PCGF2: variants seen among roughly 807,000 people sequenced by gnomAD.
The protein encoded by PCGF2 is polycomb group RING finger protein 2.
A neutral mutation model predicts 36.1 loss-of-function variants in PCGF2; 8 were observed. The observed-to-expected ratio is 0.22, with a 90% confidence interval of 0.13 to 0.40. PCGF2 has a LOEUF of 0.40. PCGF2 is among the 10% of genes least tolerant of loss of function. The pLI, the probability that PCGF2 is intolerant of heterozygous loss-of-function variation, is 1.00. For missense variants in PCGF2, 436 were observed against 475.9 expected (o/e 0.92, Z 0.78); for synonymous variants, 198 against 191.2 (o/e 1.04, Z -0.29).
chr17:38,744,940 C>T (rs574999842), intron 2 of PCGF2, among the ~76,000 whole-genome samples: 8 of 152,198 alleles, frequency 5.3e-5, no homozygotes, highest in Non-Finnish European at 8.8e-5. Flanking sequence ...TTCAGCTGGG[C>T]GTGGTGGCTC....
intron 2 of PCGF2, among the ~76,000 whole-genome samples, chr17:38,741,025 T>C (rs543606101): frequency 6.6e-6 from 1 of 152,264 alleles, no homozygotes; most frequent in African/African-American, 2.4e-5. Flanking sequence ...GGCCACAGGA[T>C]GTACTGCCCA....
At chr17:38,747,656 CCCCGGCCTCGCGGCCG>C (rs1349770349) in intron 2 of PCGF2, among the ~76,000 whole-genome samples, 1 of 152,166 alleles carries the variant, frequency 6.6e-6, no homozygotes, top group Non-Finnish European at 1.5e-5. Context: ...GGGCGCCCTC[CCCCGGCCTCGCGGCCG>C]CCCCAAAGCA....
At chr17:38,743,755 C>T (rs1463092870) in intron 2 of PCGF2, among the ~76,000 whole-genome samples, 1 of 152,070 alleles carries the variant, frequency 6.6e-6, no homozygotes, top group Non-Finnish European at 1.5e-5. Flanking sequence ...AGCTCTGACT[C>T]CCTAGAGCAC....
rs191027265 is a variant in PCGF2 at position 38,739,450 on chromosome 17, C to T, written c.209+136G>A. 1.4e-4 allele frequency: 125 copies of T among 881,160 alleles called. No homozygotes were observed. Among genetic ancestry groups the T allele is most frequent in the African/African-American group, 1.0e-3 (64 of 61,108 alleles). 54.6% of individuals were successfully genotyped at this position (881,160 alleles called of 1,614,324 possible). A position where few individuals can be genotyped will look rare whatever the true frequency, so the allele number is the denominator to read the frequency against. ...GATGAGCCAAATGTAACCCCAAGGT[C>T]GGGGAGTAGCCCAGGTCCACACCCC... On this transcript the variant is annotated intron_variant, in intron 4 of 10. Transcript: ENST00000620225. This position sits in a 1 kb window ranked among gnomAD's most constrained non-coding sequence, Gnocchi z 4.0.
upstream of PCGF2, among the ~76,000 whole-genome samples, chr17:38,748,918 G>T (rs1288318786): frequency 1.3e-5 from 2 of 152,170 alleles, no homozygotes; most frequent in Admixed American, 6.5e-5. Flanking sequence ...CCCCCTCGGC[G>T]GCAGGGGCGC....
chr17:38,749,569 CCA>C, upstream of PCGF2: 1 of 450,706 alleles, frequency 2.2e-6, no homozygotes, highest in Non-Finnish European at 4.5e-6. The surrounding 1 kb of genome is among the most constrained non-coding windows in gnomAD (Gnocchi z 6.5). Flanking sequence ...GTCTGTCCCT[CCA>C]GAGAGCTCGA....
At chr17:38,741,760 G>A (rs1451706146) in intron 2 of PCGF2, among the ~76,000 whole-genome samples, 1 of 152,164 alleles carries the variant, frequency 6.6e-6, no homozygotes, top group Non-Finnish European at 1.5e-5. Flanking sequence ...TTGGGAACGT[G>A]CAGCTCCAGC....
chr17:38,736,794 C>A (rs1395824312), intron 9 of PCGF2, among the ~76,000 whole-genome samples: 11 of 151,120 alleles, frequency 7.3e-5, no homozygotes, highest in Non-Finnish European at 1.6e-4. Context: ...AGATAGTGCC[C>A]CTGAACTCCA....
chr17:38,749,271 C>A, upstream of PCGF2: 1 of 206,770 alleles, frequency 4.8e-6, no homozygotes, highest in South Asian at 6.9e-5. The surrounding 1 kb of genome is among the most constrained non-coding windows in gnomAD (Gnocchi z 6.5). Flanking sequence ...GCGCTGCGCG[C>A]TGCCTGTGCG....
chr17:38,739,608 T>C lies in PCGF2; in HGVS notation c.187A>G (p.Thr63Ala). Reference protein sequence around the residue: ...CPMCDVQVHKTRPLLSIRSDK... With the variant: ...CPMCDVQVHKARPLLSIRSDK... ...CACCTGATGCTCAGCAGCGGCCGGG[T>C]TTTATGGACCTGCACGTCACACATG... is the stretch of plus-strand genomic sequence containing the variant. The change falls in exon 4 of 11, where the codon ACC becomes GCC. Residue 63 changes from threonine (T) to alanine (A), a missense_variant. Around this residue, in one of 3 missense-constraint regions of PCGF2, gnomAD observed 189 missense variants for 219.3 expected, o/e 0.86. Coordinates refer to ENST00000620225, the MANE Select transcript of PCGF2 (RefSeq NM_007144.3). This position sits in a 1 kb window ranked among gnomAD's most constrained non-coding sequence, Gnocchi z 4.0. 1 of 1,613,012 alleles carries C rather than the reference T, an allele frequency of 6.2e-7. No individual in the cohort carries two copies. Among genetic ancestry groups the C allele is most frequent in the Non-Finnish European group, 8.5e-7 (1 of 1,179,592 alleles).
chr17:38,739,874 T>C lies in PCGF2; in HGVS notation c.113-192A>G, dbSNP rs1907060096. Among the ~76,000 whole-genome samples the C allele has an allele frequency of 6.6e-6, 1 of 152,140 alleles. No homozygotes were observed. The highest frequency in any genetic ancestry group is 2.4e-5 in the African/African-American group (1 of 41,428). Reference sequence around the variant, plus strand: ...CACTGTTGAGGGAAGCTGGATCTTGTGTGAGACAGGCCAGTGTCATGTACA... The same window carrying C: ...CACTGTTGAGGGAAGCTGGATCTTGCGTGAGACAGGCCAGTGTCATGTACA... On this transcript the variant is annotated intron_variant, in intron 3 of 10. Transcript: ENST00000620225. The surrounding 1 kb of genome is among the most constrained non-coding windows in gnomAD (Gnocchi z 4.0).
At chr17:38,749,545 G>A (rs1295811184), upstream of PCGF2, 1 of 438,490 alleles carries the variant, frequency 2.3e-6, no homozygotes, top group Non-Finnish European at 4.7e-6. The surrounding 1 kb of genome is among the most constrained non-coding windows in gnomAD (Gnocchi z 6.5). Context: ...CGATTTATTA[G>A]GGATGGCGGC....
Position 38,739,020 on chromosome 17 carries a change from G to T in PCGF2, c.316+48C>A. 6.2e-7 allele frequency: 1 copy of T among 1,604,450 alleles called. No individual in the cohort carries two copies. The highest frequency in any genetic ancestry group is 8.5e-7 in the Non-Finnish European group (1 of 1,172,986). On this transcript the variant is annotated intron_variant, in intron 6 of 10. Coordinates refer to ENST00000620225, the MANE Select transcript of PCGF2 (RefSeq NM_007144.3). The surrounding 1 kb of genome is among the most constrained non-coding windows in gnomAD (Gnocchi z 4.0). ...GAGGGGTAGCGCTACACACCTACAT[G>T]GTCCCAGGCAAGACTGTGCACACAC...
At position 38,734,573 on chromosome 17, in the gene PCGF2, T is replaced by C. The variant is rs1906524762; in HGVS notation, c.*650A>G. On this transcript the variant is annotated 3_prime_UTR_variant, in exon 11 of 11. Transcript: ENST00000620225. ...AACTATCTATTCTTTGCACAAAGTT[T>C]CCACTGCAAGAGGAGGAGGTGATGC... The C allele has an allele frequency of 6.6e-6, 1 of 151,888 alleles. No individual in the cohort carries two copies. Among genetic ancestry groups the C allele is most frequent in the South Asian group, 2.1e-4 (1 of 4,814 alleles). 9.4% of individuals were successfully genotyped at this position (151,888 alleles called of 1,614,324 possible). A position where few individuals can be genotyped will look rare whatever the true frequency, so the allele number is the denominator to read the frequency against.
chr17:38,737,023 C>T (rs551469142), intron 9 of PCGF2, among the ~76,000 whole-genome samples: 23 of 152,060 alleles, frequency 1.5e-4, no homozygotes, highest in South Asian at 6.2e-4. Flanking sequence ...CCCAGCTACT[C>T]GGGAGGCTAA....
chr17:38,740,277 T>G lies in PCGF2; in HGVS notation c.112+14A>C. The G allele has an allele frequency of 1.2e-6, 2 of 1,605,072 alleles. No homozygotes were observed. The highest frequency in any genetic ancestry group is 8.5e-7 in the Non-Finnish European group (1 of 1,172,456). ...GGCTGCCCACCCTGAGCAGCTCCCC[T>G]CCCCCCAACTCACAGGAATGCAGGC... On this transcript the variant is annotated intron_variant, in intron 3 of 10. Transcript: ENST00000620225.
chr17:38,735,427 G>A lies in PCGF2; in HGVS notation c.831C>T (p.Pro277=), dbSNP rs1444286749. 2 of 1,578,864 alleles carry A rather than the reference G, an allele frequency of 1.3e-6. No individual in the cohort carries two copies. Among genetic ancestry groups the A allele is most frequent in the Admixed American group, 3.7e-5 (2 of 54,398 alleles). The change falls in exon 11 of 11, where the codon CCC becomes CCT. Residue 277 remains proline, a synonymous_variant. Coordinates refer to ENST00000620225, the MANE Select transcript of PCGF2 (RefSeq NM_007144.3). Reference sequence around the variant, plus strand: ...AGCCATGGGATGGGGTGGCTGGGCTGGGCAGGGAGGAGGAGGTGGCTGGCA... The same window carrying A: ...AGCCATGGGATGGGGTGGCTGGGCTAGGCAGGGAGGAGGAGGTGGCTGGCA... The part of the protein sequence containing the change: ...ATLPATSSSL[P]SPATPSHGSP...
chr17:38,735,160 G>A lies in PCGF2; in HGVS notation c.*63C>T. The A allele has an allele frequency of 7.9e-7, 1 of 1,258,484 alleles. No individual in the cohort carries two copies. Among genetic ancestry groups the A allele is most frequent in the Non-Finnish European group, 1.0e-6 (1 of 976,384 alleles). The allele number at this position is 1,258,484 out of a possible 1,614,324, so 78.0% of individuals were successfully genotyped here. On this transcript the variant is annotated 3_prime_UTR_variant, in exon 11 of 11. Coordinates refer to ENST00000620225, the MANE Select transcript of PCGF2 (RefSeq NM_007144.3). ...GGGAAAGTAGAAGAGGTGGAAAAAA[G>A]GGCCCAGAAAAAGTGGAAGGAGTGG...
chr17:38,745,706 C>A (rs1392222711), intron 2 of PCGF2, among the ~76,000 whole-genome samples: 1 of 152,178 alleles, frequency 6.6e-6, no homozygotes, highest in African/African-American at 2.4e-5. Flanking sequence ...CAGTAATGCC[C>A]GGCTTCATCC....
Sources: allele counts gnomAD v4.1 joint callset (sites outside exome capture counted in the v4.1 genomes callset), GRCh38; gene constraint gnomAD v4.1.1; regional missense constraint gnomAD v4.1.1; non-coding constraint Gnocchi (gnomAD v3.1); transcripts MANE v1.5; gene names NCBI Gene and HGNC (gene_info 2026-07-23, HGNC 2026-07-21).